Variants in CYTH1 observed in about 807,000 individuals in gnomAD.
CYTH1 encodes cytohesin 1, also known as cytohesin-1.
In CYTH1, 18 loss-of-function variants were observed where a neutral mutation model predicts 61.8. The ratio of observed to expected loss-of-function variants is 0.29; its 90% CI spans 0.20 to 0.43. The LOEUF (loss-of-function observed/expected upper bound fraction) is 0.43, where lower values mean the gene tolerates loss of function less well. CYTH1 is among the 20% of genes least tolerant of loss of function. CYTH1 has a pLI of 1.00. For missense variants in CYTH1, 336 were observed against 510.5 expected (o/e 0.66, Z 3.29); for synonymous variants, 174 against 184.3 (o/e 0.94, Z 0.45).
At chr17:78,754,111 G>A (rs781690593) in intron 1 of CYTH1, among the ~76,000 whole-genome samples, 1 of 152,052 alleles carries the variant, frequency 6.6e-6, no homozygotes, top group Non-Finnish European at 1.5e-5. Context: ...TGTCAGGACC[G>A]TCGTGGACAA....
At chr17:78,702,643 C>G (rs2093024032) in intron 3 of CYTH1, 39 bp from the exon 4 acceptor site, 1 of 1,598,452 alleles carries the variant, frequency 6.3e-7, no homozygotes, top group Admixed American at 1.7e-5. Flanking sequence ...GTACTTCAGG[C>G]CATCGGAAAG....
At chr17:78,768,816 T>C (rs2093459099) in intron 1 of CYTH1, among the ~76,000 whole-genome samples, 1 of 152,000 alleles carries the variant, frequency 6.6e-6, no homozygotes, top group Non-Finnish European at 1.5e-5. Flanking sequence ...CTCCACCTGC[T>C]TCCTTTCTCT....
chr17:78,698,848 C>T lies in CYTH1; in HGVS notation c.671G>A (p.Gly224Glu). The change falls in exon 8 of 14, where the codon GGG becomes GAG. Residue 224 changes from glycine (G) to glutamate (E), a missense_variant. Physicochemically the swap from Gly to Glu is moderately conservative, Grantham distance 98. This residue lies in a region of CYTH1 where 125 missense variants were observed against 209.9 expected (regional missense o/e 0.60). Coordinates refer to ENST00000446868, the MANE Select transcript of CYTH1 (RefSeq NM_004762.6). ...FIAMNRGIND[G>E]GDLPEELLRN... is the part of the protein sequence containing the mutation. ...GAGGAGCTCCTCCGGCAGGTCTCCC[C>T]CATCATTGATGCCTCGGTTCATGGC... is the stretch of plus-strand genomic sequence containing the variant. The T allele has an allele frequency of 1.3e-6, 2 of 1,594,876 alleles. No individual in the cohort carries two copies. Among genetic ancestry groups the T allele is most frequent in the East Asian group, 2.3e-5 (1 of 43,922 alleles).
At position 78,698,761 on chromosome 17, in the gene CYTH1, G is replaced by C. The variant is rs572701461; in HGVS notation, c.699+59C>G. 5.7e-5 allele frequency: 85 copies of C among 1,496,226 alleles called. 1 individual carries two copies. The South Asian group carries it at 1.1e-3, about 20-fold the overall frequency. 92.7% of individuals were successfully genotyped at this position (1,496,226 alleles called of 1,614,324 possible). On this transcript the variant is annotated intron_variant, in intron 8 of 13. Coordinates refer to ENST00000446868, the MANE Select transcript of CYTH1 (RefSeq NM_004762.6). ...TTTTTTCTTCCTTCCTACAAAAGAC[G>C]ATCCTGTTCCCAGTGAACTCTTTCT...
intron 1 of CYTH1, among the ~76,000 whole-genome samples, chr17:78,748,429 A>G (rs1457472701): frequency 1.3e-5 from 2 of 152,242 alleles, no homozygotes; most frequent in African/African-American, 2.4e-5. Flanking sequence ...TGTAGGGGAC[A>G]ACAATGCCTA....
At chr17:78,721,329 C>G (rs2093226803) in intron 1 of CYTH1, among the ~76,000 whole-genome samples, 1 of 151,896 alleles carries the variant, frequency 6.6e-6, no homozygotes, top group Non-Finnish European at 1.5e-5. Context: ...GACTCCGTCT[C>G]AAAAAATAAA....
rs1002777306 is a variant in CYTH1 at position 78,717,756 on chromosome 17, A to G, written c.23-8024T>C. ...TCTGACAGCAGGTTCTGCTTGGCAG[A>G]CACATAGCAGCTGCCAGGACCACAC... On this transcript the variant is annotated intron_variant, in intron 1 of 13. Coordinates refer to ENST00000446868, the MANE Select transcript of CYTH1 (RefSeq NM_004762.6). The surrounding 1 kb of genome is among the most constrained non-coding windows in gnomAD (Gnocchi z 4.4). Among the ~76,000 whole-genome samples, 6 of 152,160 alleles carry G rather than the reference A, an allele frequency of 3.9e-5. No individual in the cohort carries two copies. The highest frequency in any genetic ancestry group is 8.8e-5 in the Non-Finnish European group (6 of 68,020).
chr17:78,681,214 C>G (rs1351329664), intron 11 of CYTH1, 172 bp from the exon 12 acceptor site: 6 of 639,680 alleles, frequency 9.4e-6, no homozygotes, highest in Non-Finnish European at 1.6e-5. Flanking sequence ...CCAAAAATGT[C>G]TGAGGATTGT....
chr17:78,682,416 G>A (rs1479130890), intron 11 of CYTH1, among the ~76,000 whole-genome samples: 1 of 152,110 alleles, frequency 6.6e-6, no homozygotes, highest in African/African-American at 2.4e-5. Flanking sequence ...ACCTGTTCCA[G>A]TCTGGACTGG....
At chr17:78,771,317 A>G (rs903928336) in intron 1 of CYTH1, among the ~76,000 whole-genome samples, 6 of 152,114 alleles carry the variant, frequency 3.9e-5, no homozygotes, top group African/African-American at 1.2e-4. Context: ...GCACATGCCT[A>G]TAATCCCAGC....
At chr17:78,755,716 T>C (rs1451385984) in intron 1 of CYTH1, among the ~76,000 whole-genome samples, 3 of 151,876 alleles carry the variant, frequency 2.0e-5, no homozygotes, top group South Asian at 2.1e-4. Context: ...GGGGGACTGC[T>C]TAAGCCCAGA....
In CYTH1 at chr17:78,676,431, T is replaced by A. The variant is rs189889679; in HGVS notation, c.1119-262A>T. 5.0e-5 allele frequency: 25 copies of A among 495,572 alleles called. No individual in the cohort carries two copies. The East Asian group carries it at 5.7e-4, about 11-fold the overall frequency. The allele number at this position is 495,572 out of a possible 1,614,324, so 30.7% of individuals were successfully genotyped here. ...GTTTCAACATAATAATCAATTCACA[T>A]TTAGGAACAGAATCATACCACATTC... On this transcript the variant is annotated intron_variant, in intron 13 of 13. Transcript: ENST00000446868.
chr17:78,730,096 G>A (rs893196736), intron 1 of CYTH1, among the ~76,000 whole-genome samples: 2 of 152,066 alleles, frequency 1.3e-5, no homozygotes, highest in African/African-American at 4.8e-5. Context: ...CCCATGAAGT[G>A]CCTGTTGTAA....
rs768479472 is a variant in CYTH1 at position 78,736,659 on chromosome 17, C to T, written c.23-26927G>A. 5.1e-5 allele frequency: 18 copies of T among 350,174 alleles called. No homozygotes were observed. The Middle Eastern group carries it at 1.6e-3, about 30-fold the overall frequency. 21.7% of individuals were successfully genotyped at this position (350,174 alleles called of 1,614,324 possible). ...CCACTCCATATACCCCAAGCCGCATCAGTCCCGGCCGGGGGCTGCGGCTTT... is the reference window on the plus strand; with the variant it reads ...CCACTCCATATACCCCAAGCCGCATTAGTCCCGGCCGGGGGCTGCGGCTTT... On this transcript the variant is annotated intron_variant, in intron 1 of 13. Transcript: ENST00000446868.
At chr17:78,679,329 G>A (rs1173942016) in intron 13 of CYTH1, among the ~76,000 whole-genome samples, 2 of 152,092 alleles carry the variant, frequency 1.3e-5, no homozygotes, top group East Asian at 1.9e-4. Context: ...AGGAGGGAGA[G>A]GGCAAGGCTG....
chr17:78,752,697 G>A (rs2093385157), intron 1 of CYTH1, among the ~76,000 whole-genome samples: 1 of 152,202 alleles, frequency 6.6e-6, no homozygotes, highest in African/African-American at 2.4e-5. Context: ...CCAATGTGCT[G>A]AGATTACAGG....
intron 1 of CYTH1, among the ~76,000 whole-genome samples, chr17:78,742,758 G>A (rs1247704908): frequency 6.6e-6 from 1 of 152,162 alleles, no homozygotes; most frequent in African/African-American, 2.4e-5. Flanking sequence ...GGGAGGCTGA[G>A]GCAGGAGAAT....
intron 1 of CYTH1, among the ~76,000 whole-genome samples, chr17:78,770,335 A>G (rs1431856715): frequency 1.5e-5 from 2 of 133,674 alleles, no homozygotes; most frequent in South Asian, 2.4e-4. Flanking sequence ...CAAAAAAAAA[A>G]AAAAGAAAAG....
intron 11 of CYTH1, chr17:78,691,319 G>A (rs2092883516): frequency 6.6e-6 from 1 of 152,262 alleles, no homozygotes; most frequent in African/African-American, 2.4e-5. Flanking sequence ...GCATGTGCAT[G>A]ATGTCCATGG....
Sources: allele counts gnomAD v4.1 joint callset (sites outside exome capture counted in the v4.1 genomes callset), GRCh38; gene constraint gnomAD v4.1.1; regional missense constraint gnomAD v4.1.1; non-coding constraint Gnocchi (gnomAD v3.1); transcripts MANE v1.5; gene names NCBI Gene and HGNC (gene_info 2026-07-23, HGNC 2026-07-21).